The following WDR11 variants were observed in gnomAD, a reference collection of about 807,000 sequenced individuals.
WDR11 encodes WD repeat domain 11.
A neutral mutation model predicts 151.2 loss-of-function variants in WDR11; 83 were observed. The observed-to-expected ratio is 0.55, with a 90% CI of 0.46 to 0.66. WDR11 has a LOEUF of 0.66. Among genes scored for constraint, WDR11 ranks in the 30% least tolerant of loss-of-function variants. WDR11 has a pLI of 0.00. For synonymous variants in WDR11, 484 were observed against 533.1 expected, an observed-to-expected ratio of 0.91 and a Z score of 1.27; for missense variants, 1,301 against 1,480.9, an observed-to-expected ratio of 0.88 and a Z score of 1.99.
chr10:120,893,221 G>C (rs1847487818), intron 19 of WDR11, among the ~76,000 whole-genome samples: 1 of 143,784 alleles, frequency 7.0e-6, no homozygotes, highest in South Asian at 2.2e-4. Context: ...GTGTCCATGT[G>C]TTCTCATTGT....
At chr10:120,854,518 A>G (rs1429944486) in intron 2 of WDR11, among the ~76,000 whole-genome samples, 1 of 152,156 alleles carries the variant, frequency 6.6e-6, no homozygotes, top group Non-Finnish European at 1.5e-5. Context: ...TCCCTTGAGT[A>G]TGTTTCTAGG....
intron 13 of WDR11, among the ~76,000 whole-genome samples, chr10:120,882,781 T>C (rs1362547613): frequency 6.6e-6 from 1 of 152,060 alleles, no homozygotes; most frequent in East Asian, 1.9e-4. Flanking sequence ...TTTTGATTCA[T>C]TTGATTCTTC....
intron 1 of WDR11, chr10:120,852,317 C>T (rs1845807458): frequency 3.7e-6 from 2 of 537,006 alleles, no homozygotes; most frequent in Admixed American, 3.2e-5. Flanking sequence ...TTTTTTTATC[C>T]GAATGAAAAG....
intron 11 of WDR11, among the ~76,000 whole-genome samples, chr10:120,874,443 G>A (rs542574879): frequency 4.0e-5 from 6 of 151,126 alleles, no homozygotes; most frequent in African/African-American, 7.3e-5. Context: ...TGCAGAATGC[G>A]TGCATTTGTT....
At position 120,859,336 on chromosome 10, in the gene WDR11, C is replaced by T. The variant is rs930673370; in HGVS notation, c.352+540C>T. ...AGGCTGGAGTACAGTGGCGCTATCTCGGCTCACTGCAAACTCTGCCTCCTG... is the reference window on the plus strand; with the variant it reads ...AGGCTGGAGTACAGTGGCGCTATCTTGGCTCACTGCAAACTCTGCCTCCTG... On this transcript the variant is annotated intron_variant, in intron 3 of 28. Coordinates refer to ENST00000263461, the MANE Select transcript of WDR11 (RefSeq NM_018117.12). Among the ~76,000 whole-genome samples, 18 of 148,178 alleles carry T rather than the reference C, an allele frequency of 1.2e-4. No homozygotes were observed. The East Asian group carries it at 1.4e-3, about 11-fold the overall frequency.
chr10:120,869,821 C>T (rs112529710), intron 9 of WDR11, among the ~76,000 whole-genome samples: 14 of 151,936 alleles, frequency 9.2e-5, no homozygotes, highest in South Asian at 2.1e-4. Context: ...GATGGAGTCT[C>T]GCTCTGTCAC....
intron 10 of WDR11, among the ~76,000 whole-genome samples, chr10:120,871,901 C>T (rs1320194992): frequency 6.6e-6 from 1 of 152,100 alleles, no homozygotes; most frequent in Non-Finnish European, 1.5e-5. Flanking sequence ...CTTGCTGTCA[C>T]ATTGATTTCA....
chr10:120,887,441 T>C (rs1847260463), intron 16 of WDR11, among the ~76,000 whole-genome samples: 1 of 152,336 alleles, frequency 6.6e-6, no homozygotes, highest in East Asian at 1.9e-4. Flanking sequence ...CAGGCTATTA[T>C]AATGGTTAAA....
rs1032664115 is a variant in WDR11 at position 120,892,600 on chromosome 10, A to G, written c.2515+1713A>G. 2.0e-5 allele frequency among the ~76,000 whole-genome samples: 3 copies of G among 152,200 alleles called. No individual in the cohort carries two copies. In the East Asian group the frequency reaches 5.8e-4, roughly 29 times the overall value. ...AGAAGTATATTTGGGGCTTACTGACATGGGATAAAAATAAAATAGGTCCTA... is the reference window on the plus strand; with the variant it reads ...AGAAGTATATTTGGGGCTTACTGACGTGGGATAAAAATAAAATAGGTCCTA... On this transcript the variant is annotated intron_variant, in intron 19 of 28. Transcript: ENST00000263461.
At chr10:120,888,432 C>T (rs1847298945) in intron 16 of WDR11, among the ~76,000 whole-genome samples, 1 of 152,230 alleles carries the variant, frequency 6.6e-6, no homozygotes, top group African/African-American at 2.4e-5. Context: ...GATACCACCT[C>T]TGAGCATCTA....
chr10:120,876,422 A>G (rs557326233), intron 11 of WDR11, among the ~76,000 whole-genome samples: 6 of 152,344 alleles, frequency 3.9e-5, no homozygotes, highest in Admixed American at 3.9e-4. Flanking sequence ...CCTATACAGC[A>G]TCTCCCCAGA....
Position 120,874,176 on chromosome 10 carries a change from G to GTTTTTTTT in WDR11, c.1556+262_1556+269dup, listed in dbSNP as rs66873217. On this transcript the variant is annotated intron_variant, in intron 11 of 28. Transcript: ENST00000263461. Reference sequence around the variant, plus strand: ...TGCAAAAGTAATTGCGGTTTTTGCAGTTTTTTTTTTTTTTTTGTTGTTGTT... The same window carrying GTTTTTTTT: ...TGCAAAAGTAATTGCGGTTTTTGCAGTTTTTTTTTTTTTTTTTTTTTTTTGTTGTTGTT... 1.1e-3 allele frequency among the ~76,000 whole-genome samples: 95 copies of GTTTTTTTT among 83,376 alleles called. 1 individual carries two copies. The highest frequency in any genetic ancestry group is 2.5e-3 in the African/African-American group (51 of 20,232). 54.7% of individuals were successfully genotyped at this position (83,376 alleles called of 152,430 possible). A position where few individuals can be genotyped will look rare whatever the true frequency, so the allele number is the denominator to read the frequency against.
chr10:120,899,886 C>T lies in WDR11; in HGVS notation c.2516-143C>T, dbSNP rs146255900. 3.1e-3 allele frequency: 2,123 copies of T among 691,486 alleles called. 30 individuals are homozygous for T. In the African/African-American group the frequency reaches 0.033, roughly 11 times the overall value. The allele number at this position is 691,486 out of a possible 1,614,324, so 42.8% of individuals were successfully genotyped here. On this transcript the variant is annotated intron_variant, in intron 19 of 28. Coordinates refer to ENST00000263461, the MANE Select transcript of WDR11 (RefSeq NM_018117.12). ...CTGCTCTTGGCTTGTGTTTCCTAAG[C>T]GGTGACTACATTGAATATACTCTCA... is the stretch of plus-strand genomic sequence containing the variant.
At position 120,885,943 on chromosome 10, in the gene WDR11, A is replaced by T. The variant is rs773661737; in HGVS notation, c.1973+5A>T. 1.4e-5 allele frequency: 22 copies of T among 1,613,272 alleles called. No individual in the cohort carries two copies. The East Asian group carries it at 3.8e-4, about 28-fold the overall frequency. ...TGTTGAATCATCTGTGATCAGGTACAGTACAGTGTTTCTTGACACTGTCAT... is the reference window on the plus strand; with the variant it reads ...TGTTGAATCATCTGTGATCAGGTACTGTACAGTGTTTCTTGACACTGTCAT... On this transcript the variant is annotated splice_donor_5th_base_variant and intron_variant, in intron 15 of 28. Coordinates refer to ENST00000263461, the MANE Select transcript of WDR11 (RefSeq NM_018117.12).
chr10:120,874,185 TTTTTTTTGTTG>T (rs1232469546), intron 11 of WDR11, among the ~76,000 whole-genome samples: 20 of 64,482 alleles, frequency 3.1e-4, no homozygotes, highest in African/African-American at 8.8e-4. Context: ...AGTTTTTTTT[TTTTTTTTGTTG>T]TTGTTGTTGT....
At chr10:120,856,667 C>G (rs987054720) in intron 2 of WDR11, among the ~76,000 whole-genome samples, 111 of 149,242 alleles carry the variant, frequency 7.4e-4, no homozygotes, top group African/African-American at 2.7e-3. Context: ...TGCATTATAT[C>G]TTTTTTCCTC....
Position 120,889,186 on chromosome 10 carries a change from T to C in WDR11, c.2228+2T>C. 1 of 1,578,652 alleles carries C rather than the reference T, an allele frequency of 6.3e-7. No individual in the cohort carries two copies. Among genetic ancestry groups the C allele is most frequent in the Non-Finnish European group, 8.7e-7 (1 of 1,147,892 alleles). ...GGACTTGAAAGGCAGAGTATCCAGG[T>C]ATAAGCCAAGAATGAAATCTTGTTA... On this transcript the variant is annotated splice_donor_variant, in intron 17 of 28. Transcript: ENST00000263461. LOFTEE classifies it high-confidence loss of function.
chr10:120,858,493 C>A, intron 2 of WDR11, 150 bp from the exon 3 acceptor site: 1 of 920,288 alleles, frequency 1.1e-6, no homozygotes, highest in Non-Finnish European at 1.6e-6. Context: ...ACAAATGCTG[C>A]CTTCAAAATG....
intron 19 of WDR11, 101 bp downstream of exon 19, chr10:120,890,988 C>A: frequency 7.9e-7 from 1 of 1,259,806 alleles, no homozygotes; most frequent in South Asian, 1.3e-5. Flanking sequence ...TCATTTCAGT[C>A]TTATTTTCTT....
Sources: allele counts gnomAD v4.1 joint callset (sites outside exome capture counted in the v4.1 genomes callset), GRCh38; gene constraint gnomAD v4.1.1; transcripts MANE v1.5; gene names NCBI Gene and HGNC (gene_info 2026-07-23, HGNC 2026-07-21).